Variants in ADAR observed in about 807,000 individuals in gnomAD.
ADAR encodes the protein double-stranded RNA-specific adenosine deaminase.
Under a neutral mutation model 113.2 loss-of-function variants are expected in ADAR, and 41 were observed. The ratio of observed to expected loss-of-function variants is 0.36; its 90% CI spans 0.28 to 0.47. The LOEUF (loss-of-function observed/expected upper bound fraction) is 0.47. Ranked by LOEUF, ADAR falls within the 20% of genes least tolerant of loss-of-function variation. The pLI, the probability that ADAR is intolerant of heterozygous loss-of-function variation, is 1.00. For synonymous variants in ADAR, 605 were observed against 572.6 expected, an observed-to-expected ratio of 1.06 and a Z score of -0.81; for missense variants, 1,242 against 1,540.9, an observed-to-expected ratio of 0.81 and a Z score of 3.25.
chr1:154,602,986 GAAC>G (rs1424518819), intron 1 of ADAR, among the ~76,000 whole-genome samples: 3 of 152,164 alleles, frequency 2.0e-5, no homozygotes, highest in African/African-American at 4.8e-5. Context: ...TTTAAAATCA[GAAC>G]AACAAATATA....
At chr1:154,599,593 G>A (rs145783381) in intron 2 of ADAR, among the ~76,000 whole-genome samples, 1 of 148,834 alleles carries the variant, frequency 6.7e-6, no homozygotes, top group Non-Finnish European at 1.5e-5. Flanking sequence ...CCCTAGCCAG[G>A]AATCTACACC....
At position 154,589,389 on chromosome 1, in the gene ADAR, G is replaced by A. The variant is rs1219212664; in HGVS notation, c.2742C>T (p.Ile914=). Residue 914 remains isoleucine (I), a synonymous_variant, in exon 9 of 15, where the codon ATC becomes ATT. Coordinates refer to ENST00000368474, the MANE Select transcript of ADAR (RefSeq NM_001111.5). ...CTCACCTGATGAAGCCTCTCCGGGAGATTATTTCTGCATGGCAGTCATTGA... is the reference window on the plus strand; with the variant it reads ...CTCACCTGATGAAGCCTCTCCGGGAAATTATTTCTGCATGGCAGTCATTGA... ...ETVNDCHAEI[I]SRRGFIRFLY... 2 of 1,614,200 alleles carry A rather than the reference G, an allele frequency of 1.2e-6. No individual in the cohort carries two copies. The highest frequency in any genetic ancestry group is 1.7e-6 in the Non-Finnish European group (2 of 1,180,004).
At chr1:154,585,657 ATGTTCC>A in intron 13 of ADAR, 90 bp downstream of exon 13, 1 of 1,121,054 alleles carries the variant, frequency 8.9e-7, no homozygotes, top group Non-Finnish European at 1.3e-6. Flanking sequence ...ACTGTGGGCA[ATGTTCC>A]CCTTGCCCAC....
Position 154,595,456 on chromosome 1 carries a change from C to T in ADAR, c.2270+1349G>A, listed in dbSNP as rs573625396. Among the ~76,000 whole-genome samples, 16 of 152,028 alleles carry T rather than the reference C, an allele frequency of 1.1e-4. No homozygotes were observed. The South Asian group carries it at 2.1e-3, about 20-fold the overall frequency. On this transcript the variant is annotated intron_variant, in intron 6 of 14. Coordinates refer to ENST00000368474, the MANE Select transcript of ADAR (RefSeq NM_001111.5). ...CTGACCCTGTGTAGGCCTAGGCTAA[C>T]AGCTAATGTATTTTCATCTTAGCTT... is the stretch of plus-strand genomic sequence containing the variant.
intron 6 of ADAR, among the ~76,000 whole-genome samples, chr1:154,593,794 A>G (rs1287225357): frequency 6.6e-6 from 1 of 152,254 alleles, no homozygotes; most frequent in East Asian, 1.9e-4. Flanking sequence ...TCTGAAAGAA[A>G]ACTGGAAAAG....
Position 154,596,884 on chromosome 1 carries a change from G to A in ADAR, c.2191C>T (p.Leu731Phe). 1 of 1,614,150 alleles carries A rather than the reference G, an allele frequency of 6.2e-7. No homozygotes were observed. The highest frequency in any genetic ancestry group is 8.5e-7 in the Non-Finnish European group (1 of 1,180,038). The change falls in exon 6 of 15, where the codon CTT (leucine) becomes TTT (phenylalanine). Residue 731 changes from leucine to phenylalanine, a missense_variant. Leu to Phe is a conservative substitution (Grantham distance 22). Transcript: ENST00000368474. The part of the protein sequence containing the change: ...RYLNTNPVGG[L>F]LEYARSHGFA... The stretch of plus-strand genomic sequence containing the variant: ...CCATGGGAGCGGGCGTACTCCAAAA[G>A]GCCACCCACAGGGTTGGTGTTCAGG...
At chr1:154,587,818 A>T (rs1243013134) in intron 11 of ADAR, among the ~76,000 whole-genome samples, 1 of 152,146 alleles carries the variant, frequency 6.6e-6, no homozygotes, top group Non-Finnish European at 1.5e-5. Context: ...TCTCATGGCC[A>T]TGAAGACCCT....
chr1:154,597,122 C>T lies in ADAR; in HGVS notation c.2079+1G>A, dbSNP rs757819771. 1.2e-6 allele frequency: 2 copies of T among 1,614,172 alleles called. No homozygotes were observed. Among genetic ancestry groups the T allele is most frequent in the African/African-American group, 1.3e-5 (1 of 75,024 alleles). On this transcript the variant is annotated splice_donor_variant, in intron 5 of 14. Coordinates refer to ENST00000368474, the MANE Select transcript of ADAR (RefSeq NM_001111.5). LOFTEE classifies it high-confidence loss of function. ...ATCTTTTGAGTAGGAAAACGCCCTA[C>T]CTGGTTATCAGAAGCCATGGAGTTG...
Position 154,596,977 on chromosome 1 carries a change from C to G in ADAR, c.2098G>C (p.Glu700Gln). 1 of 1,614,184 alleles carries G rather than the reference C, an allele frequency of 6.2e-7. No homozygotes were observed. The highest frequency in any genetic ancestry group is 1.7e-5 in the Admixed American group (1 of 60,028). ...ATGGATTCCAAGTTATCAAGTGACTCTGAGATCATACCTTCAGGCTAAAGG... is the reference window on the plus strand; with the variant it reads ...ATGGATTCCAAGTTATCAAGTGACTGTGAGATCATACCTTCAGGCTAAAGG... ...SDNQPEGMIS[E>Q]SLDNLESMMP... Residue 700 changes from glutamate (E) to glutamine (Q), a missense_variant, in exon 6 of 15, where the codon GAG (glutamate) becomes CAG (glutamine). By Grantham distance (29) the Glu-to-Gln change is conservative. Coordinates refer to ENST00000368474, the MANE Select transcript of ADAR (RefSeq NM_001111.5).
chr1:154,603,070 C>G (rs546307365), intron 1 of ADAR, among the ~76,000 whole-genome samples: 1 of 152,118 alleles, frequency 6.6e-6, no homozygotes, highest in South Asian at 2.1e-4. Flanking sequence ...TAACAATAAC[C>G]AAGGGAGATG....
At chr1:154,623,464 C>A in intron 1 of ADAR, among the ~76,000 whole-genome samples, 1 of 152,188 alleles carries the variant, frequency 6.6e-6, no homozygotes, top group Non-Finnish European at 1.5e-5. Flanking sequence ...TGTGTGCATA[C>A]ACACACCCCT....
Position 154,597,767 on chromosome 1 carries a change from A to G in ADAR, c.1934+61T>C. ...GCCATCCCTGAGGAGGCAAGGAAGA[A>G]AATGTGTCTCTTTTTCTTTCTGAGA... On this transcript the variant is annotated intron_variant, in intron 4 of 14. Coordinates refer to ENST00000368474, the MANE Select transcript of ADAR (RefSeq NM_001111.5). 3 of 1,609,162 alleles carry G rather than the reference A, an allele frequency of 1.9e-6. No homozygotes were observed. In the South Asian group the frequency reaches 3.3e-5, roughly 18 times the overall value.
At chr1:154,626,844 CTAACTGTTTGTAAA>C (rs1382955682) in intron 1 of ADAR, among the ~76,000 whole-genome samples, 1 of 152,196 alleles carries the variant, frequency 6.6e-6, no homozygotes, top group African/African-American at 2.4e-5. Context: ...ATAGCAAGCA[CTAACTGTTTGTAAA>C]TAACGACCAA....
chr1:154,615,273 A>G (rs1329923511), intron 1 of ADAR, among the ~76,000 whole-genome samples: 1 of 152,190 alleles, frequency 6.6e-6, no homozygotes, highest in East Asian at 1.9e-4. Context: ...TTTGCTGGAC[A>G]ATACAAACCA....
chr1:154,624,089 C>T (rs970184871), intron 1 of ADAR, among the ~76,000 whole-genome samples: 9 of 152,052 alleles, frequency 5.9e-5, no homozygotes, highest in African/African-American at 2.2e-4. Flanking sequence ...AAAGGAAGGG[C>T]CAAGAAAGCC....
chr1:154,612,288 A>G (rs181556606), upstream of ADAR, among the ~76,000 whole-genome samples: 19 of 145,602 alleles, frequency 1.3e-4, no homozygotes, highest in East Asian at 3.8e-3. Flanking sequence ...AATTTGCAAC[A>G]TATTATCAAA....
intron 1 of ADAR, among the ~76,000 whole-genome samples, chr1:154,606,941 A>ATAT (rs1698222951): frequency 2.4e-5 from 1 of 40,852 alleles, no homozygotes; most frequent in Non-Finnish European, 5.5e-5. Flanking sequence ...TGCTTAAAAA[A>ATAT]AAAAAAATAT....
chr1:154,627,848 C>T (rs765301912), intron 1 of ADAR: 11 of 517,396 alleles, frequency 2.1e-5, no homozygotes, highest in African/African-American at 5.8e-5. Context: ...AGGACAGAGG[C>T]TCTTACCGGG....
chr1:154,598,469 G>A lies in ADAR; in HGVS notation c.1718C>T (p.Ala573Val). 2 of 1,614,202 alleles carry A rather than the reference G, an allele frequency of 1.2e-6. No individual in the cohort carries two copies. The highest frequency in any genetic ancestry group is 1.7e-6 in the Non-Finnish European group (2 of 1,180,018). ...TGATTTTCCACTGTCCTTGGCTTTG[G>A]CTTCCTCTAGCAGAATTGTCATGGC... Reference protein sequence around the residue: ...MKAMTILLEEAKAKDSGKSEE... With the variant: ...MKAMTILLEEVKAKDSGKSEE... The change falls in exon 3 of 15, where the codon GCC becomes GTC. Residue 573 changes from alanine to valine, a missense_variant. Physicochemically the swap from Ala to Val is moderately conservative, Grantham distance 64. Around this residue, in one of 2 missense-constraint regions of ADAR, gnomAD observed 780 missense variants for 1,057.9 expected, o/e 0.74. Coordinates refer to ENST00000368474, the MANE Select transcript of ADAR (RefSeq NM_001111.5).
Sources: gnomAD v4.1 joint callset for allele counts (sites outside exome capture counted in the v4.1 genomes callset) on GRCh38, gnomAD v4.1.1 for gene constraint, gnomAD v4.1.1 regional missense constraint, MANE v1.5 for transcripts, NCBI Gene and HGNC (gene_info 2026-07-23, HGNC 2026-07-21) for gene names.